NBAS: variants seen among roughly 807,000 people sequenced by gnomAD.
NBAS encodes the protein NBAS subunit of NRZ tethering complex, also known as NAG/BC035112 fusion.
Under a neutral mutation model 302.5 loss-of-function variants are expected in NBAS, and 219 were observed. The observed-to-expected ratio is 0.72, with a 90% CI of 0.65 to 0.81. The LOEUF (loss-of-function observed/expected upper bound fraction) is 0.81. Among genes scored for constraint, NBAS ranks in the 30% least tolerant of loss-of-function variants. The probability of loss-of-function intolerance (pLI) is 0.00; values close to 1 mark genes in which losing one functional copy is unlikely to be tolerated. For missense variants in NBAS, 2,932 were observed against 2,841.6 expected (o/e 1.03, Z -0.72); for synonymous variants, 1,118 against 1,021.6 (o/e 1.09, Z -1.80).
At chr2:14,910,526 G>C in the NBAS span, among the ~76,000 whole-genome samples, 3 of 152,202 alleles carry the variant, frequency 2.0e-5, no homozygotes, top group Non-Finnish European at 4.4e-5. Flanking sequence ...GGGGTTTTCT[G>C]ACTCTGAGCT....
chr2:15,219,090 T>G, intron 47 of NBAS, 122 bp from the exon 48 acceptor site: 1 of 1,220,130 alleles, frequency 8.2e-7, no homozygotes, highest in Non-Finnish European at 1.2e-6. Context: ...TTTTTCCTCT[T>G]GAAAGGAAAA....
chr2:15,065,792 G>C, the NBAS span, among the ~76,000 whole-genome samples: 1 of 152,042 alleles, frequency 6.6e-6, no homozygotes, highest in African/African-American at 2.4e-5. Context: ...TGGAAGACTT[G>C]TTACTGCTAA....
the NBAS span, among the ~76,000 whole-genome samples, chr2:15,143,833 A>T: frequency 6.6e-6 from 1 of 151,838 alleles, no homozygotes; most frequent in African/African-American, 2.4e-5. Context: ...GAATATATGC[A>T]GGCAGAAAAA....
At position 15,556,098 on chromosome 2, in the gene NBAS, TAC is replaced by T. The variant is rs889186536; in HGVS notation, c.209+683_209+684del. On this transcript the variant is annotated intron_variant, in intron 3 of 51. Coordinates refer to ENST00000281513, the MANE Select transcript of NBAS (RefSeq NM_015909.4). Reference sequence around the variant, plus strand: ...GCATACATATATACATGTATGCACATACACACACACATACATAGAGTAAAAGC... The same window carrying T: ...GCATACATATATACATGTATGCACATACACACACATACATAGAGTAAAAGC... Among the ~76,000 whole-genome samples the T allele has an allele frequency of 3.9e-5, 6 of 152,074 alleles. No homozygotes were observed. The South Asian group carries it at 6.2e-4, about 16-fold the overall frequency.
At chr2:14,823,469 A>G in the NBAS span, among the ~76,000 whole-genome samples, 2 of 152,366 alleles carry the variant, frequency 1.3e-5, no homozygotes, top group African/African-American at 4.8e-5. Context: ...ATGAGGAAAC[A>G]GAACCTAGAT....
intron 9 of NBAS, among the ~76,000 whole-genome samples, chr2:15,512,827 C>T (rs930994174): frequency 6.6e-6 from 1 of 152,080 alleles, no homozygotes; most frequent in Non-Finnish European, 1.5e-5. Context: ...TTCTGAGCTC[C>T]AGAACTGCAG....
chr2:15,231,324 C>T (rs1667373969), intron 47 of NBAS, among the ~76,000 whole-genome samples: 1 of 152,176 alleles, frequency 6.6e-6, no homozygotes, highest in South Asian at 2.1e-4. Context: ...AATGTTTTTC[C>T]ACCTTCACCT....
the NBAS span, among the ~76,000 whole-genome samples, chr2:14,874,252 A>G: frequency 2.6e-5 from 4 of 152,184 alleles, no homozygotes. Flanking sequence ...AATTCTACAT[A>G]TGTTTTTCCA....
the NBAS span, among the ~76,000 whole-genome samples, chr2:15,115,584 G>A: frequency 0.01 from 1,552 of 152,180 alleles, 23 homozygotes; most frequent in Middle Eastern, 0.034. Flanking sequence ...CACTGTAACC[G>A]CAAACTCCTG....
At chr2:14,797,981 T>C in the NBAS span, among the ~76,000 whole-genome samples, 1 of 152,204 alleles carries the variant, frequency 6.6e-6, no homozygotes, top group Non-Finnish European at 1.5e-5. Context: ...TAACGTTACT[T>C]CTAGTAACTT....
intron 16 of NBAS, among the ~76,000 whole-genome samples, chr2:15,471,710 T>C (rs1388877051): frequency 1.3e-5 from 2 of 152,124 alleles, no homozygotes; most frequent in Non-Finnish European, 2.9e-5. Flanking sequence ...AGAAAGCAAT[T>C]AGGTCATGAG....
intron 9 of NBAS, among the ~76,000 whole-genome samples, chr2:15,528,866 C>A (rs1220690233): frequency 2.2e-3 from 199 of 88,658 alleles, no homozygotes; most frequent in Non-Finnish European, 3.1e-3. Flanking sequence ...GACTCCATCT[C>A]AAAAAAAAAA....
At chr2:14,875,050 A>G in the NBAS span, among the ~76,000 whole-genome samples, 2 of 152,212 alleles carry the variant, frequency 1.3e-5, no homozygotes, top group Non-Finnish European at 2.9e-5. Context: ...AATAACACTA[A>G]GTATACTTAA....
intron 30 of NBAS, among the ~76,000 whole-genome samples, chr2:15,377,005 T>A (rs962822975): frequency 6.6e-6 from 1 of 152,130 alleles, no homozygotes; most frequent in African/African-American, 2.4e-5. Flanking sequence ...AAACCTGTCA[T>A]AATAGTCTTG....
At chr2:15,094,840 G>A in the NBAS span, among the ~76,000 whole-genome samples, 5 of 152,180 alleles carry the variant, frequency 3.3e-5, no homozygotes, top group Non-Finnish European at 4.4e-5. Flanking sequence ...AGAGATTCCA[G>A]GTTCCAGAAA....
chr2:15,220,325 A>G (rs2147891795), intron 47 of NBAS, among the ~76,000 whole-genome samples: 1 of 152,370 alleles, frequency 6.6e-6, no homozygotes, highest in East Asian at 1.9e-4. Flanking sequence ...ATAATTAAGC[A>G]AAGTAGGCAT....
the NBAS span, among the ~76,000 whole-genome samples, chr2:15,133,722 T>G: frequency 6.6e-6 from 1 of 152,108 alleles, no homozygotes; most frequent in Non-Finnish European, 1.5e-5. Context: ...AGGTCCCCAT[T>G]TTTTGGTAGA....
the NBAS span, among the ~76,000 whole-genome samples, chr2:15,054,106 A>G: frequency 6.6e-6 from 1 of 152,170 alleles, no homozygotes; most frequent in East Asian, 1.9e-4. Context: ...GCGCTTTAGA[A>G]GCACTCCATG....
intron 44 of NBAS, among the ~76,000 whole-genome samples, chr2:15,254,210 G>A (rs1668483433): frequency 6.6e-6 from 1 of 151,774 alleles, no homozygotes; most frequent in African/African-American, 2.4e-5. Flanking sequence ...TGGGCACCCA[G>A]GAGGCTCACT....
Sources: allele counts gnomAD v4.1 joint callset (sites outside exome capture counted in the v4.1 genomes callset), GRCh38; gene constraint gnomAD v4.1.1; transcripts MANE v1.5; gene names NCBI Gene and HGNC (gene_info 2026-07-23, HGNC 2026-07-21).